The following NXN variants were observed in gnomAD, a reference collection of about 807,000 sequenced individuals.
NXN encodes nucleoredoxin.
Under a neutral mutation model 48.6 loss-of-function variants are expected in NXN, and 16 were observed. The ratio of observed to expected loss-of-function variants is 0.33; its 90% confidence interval spans 0.22 to 0.50. The LOEUF (loss-of-function observed/expected upper bound fraction) is 0.50, where lower values mean the gene tolerates loss of function less well. Ranked by LOEUF, NXN falls within the 20% of genes least tolerant of loss-of-function variation. NXN has a pLI of 0.98. For synonymous variants in NXN, 281 were observed against 269.6 expected, an observed-to-expected ratio of 1.04 and a Z score of -0.41; for missense variants, 492 against 605.5, an observed-to-expected ratio of 0.81 and a Z score of 1.97.
intron 1 of NXN, among the ~76,000 whole-genome samples, chr17:853,723 A>ATATATT (rs1491528474): frequency 1.4e-4 from 15 of 105,970 alleles, no homozygotes; most frequent in African/African-American, 4.3e-4. Flanking sequence ...ATATATATAT[A>ATATATT]TTTTTTTTTT....
chr17:814,602 C>T (rs532471817), intron 5 of NXN, among the ~76,000 whole-genome samples: 40 of 152,230 alleles, frequency 2.6e-4, no homozygotes, highest in Non-Finnish European at 5.4e-4. Flanking sequence ...GACGTCATCA[C>T]ACTCCGCTCC....
At chr17:843,976 C>T (rs146069618) in intron 1 of NXN, among the ~76,000 whole-genome samples, 22 of 152,344 alleles carry the variant, frequency 1.4e-4, no homozygotes, top group Non-Finnish European at 1.3e-4. Context: ...GGAGGGAAAA[C>T]GGTCATTCCC....
intron 1 of NXN, among the ~76,000 whole-genome samples, chr17:967,641 G>C (rs568189675): frequency 4.6e-5 from 7 of 152,202 alleles, no homozygotes; most frequent in Non-Finnish European, 8.8e-5. Flanking sequence ...GAAACTATAG[G>C]TTAAAAGAGG....
At chr17:965,361 G>A (rs2069289600) in intron 1 of NXN, among the ~76,000 whole-genome samples, 1 of 152,186 alleles carries the variant, frequency 6.6e-6, no homozygotes, top group South Asian at 2.1e-4. Flanking sequence ...GCTTACTTTA[G>A]TTATCACACA....
chr17:856,031 A>G lies in NXN; in HGVS notation c.361-29953T>C, dbSNP rs2067982590. Among the ~76,000 whole-genome samples, 3 of 152,118 alleles carry G rather than the reference A, an allele frequency of 2.0e-5. No individual in the cohort carries two copies. In the South Asian group the frequency reaches 6.2e-4, roughly 32 times the overall value. ...AACATGGTGAAACCCTGTCTCTACT[A>G]AAAATATAAAAATTAGCTGGGCGTG... is the stretch of plus-strand genomic sequence containing the variant. On this transcript the variant is annotated intron_variant, in intron 1 of 7. Transcript: ENST00000336868.
chr17:921,446 A>G lies in NXN; in HGVS notation c.360+57873T>C, dbSNP rs1044383472. ...ACTGCTGCTTTCCATCTTTTCCTCG[A>G]AACGCTTCCCGCACCTCTCCTGGCC... On this transcript the variant is annotated intron_variant, in intron 1 of 7. Transcript: ENST00000336868. Among the ~76,000 whole-genome samples, 5 of 152,066 alleles carry G rather than the reference A, an allele frequency of 3.3e-5. No individual in the cohort carries two copies. The Middle Eastern group carries it at 0.01, about 312-fold the overall frequency.
Position 951,349 on chromosome 17 carries a change from C to T in NXN, c.360+27970G>A, listed in dbSNP as rs1299053753. Among the ~76,000 whole-genome samples, 5 of 121,462 alleles carry T rather than the reference C, an allele frequency of 4.1e-5. 1 individual carries two copies. The highest frequency in any genetic ancestry group is 7.6e-5 in the Non-Finnish European group (4 of 52,880). The allele number at this position is 121,462 out of a possible 152,430, so 79.7% of individuals were successfully genotyped here. A position where few individuals can be genotyped will look rare whatever the true frequency, so the allele number is the denominator to read the frequency against. On this transcript the variant is annotated intron_variant, in intron 1 of 7. Transcript: ENST00000336868. ...TGAGTGACAGAGTGAGACTCCATCT[C>T]GAAAAAAAAAAAAAAGACTGAACAG...
At chr17:912,835 T>C (rs963465678) in intron 1 of NXN, among the ~76,000 whole-genome samples, 6 of 151,960 alleles carry the variant, frequency 3.9e-5, no homozygotes, top group Admixed American at 1.3e-4. Flanking sequence ...GTGTCTGTAA[T>C]CCCAGCTACT....
At chr17:975,480 T>C (rs954456405) in intron 1 of NXN, among the ~76,000 whole-genome samples, 3 of 152,138 alleles carry the variant, frequency 2.0e-5, no homozygotes, top group African/African-American at 7.2e-5. Flanking sequence ...GAGTCTGAAC[T>C]GAAAGAACCA....
At chr17:879,277 T>C (rs1437862018) in intron 1 of NXN, among the ~76,000 whole-genome samples, 5 of 18,300 alleles carry the variant, frequency 2.7e-4, no homozygotes, top group African/African-American at 3.8e-4. Flanking sequence ...TGGTTTGGTT[T>C]TTGGTTTTTG....
chr17:911,767 ATTT>A (rs71371591), intron 1 of NXN, among the ~76,000 whole-genome samples: 2 of 142,520 alleles, frequency 1.4e-5, no homozygotes, highest in Non-Finnish European at 1.5e-5. Context: ...GGCCCGGCCA[ATTT>A]TTTTTTTTTT....
At chr17:868,865 T>A (rs2068122296) in intron 1 of NXN, among the ~76,000 whole-genome samples, 1 of 152,154 alleles carries the variant, frequency 6.6e-6, no homozygotes. Flanking sequence ...ATCCCGCCTG[T>A]GTTTGTAGGA....
intron 1 of NXN, among the ~76,000 whole-genome samples, chr17:955,428 C>T (rs571104163): frequency 6.6e-6 from 1 of 151,492 alleles, no homozygotes; most frequent in African/African-American, 2.4e-5. Context: ...CCTCGGCCTC[C>T]CGAAGTGCTG....
At chr17:874,059 G>A (rs1428508267) in intron 1 of NXN, among the ~76,000 whole-genome samples, 1 of 126,218 alleles carries the variant, frequency 7.9e-6, no homozygotes, top group African/African-American at 2.9e-5. Context: ...GGACCTGGTG[G>A]ATGGTCATTG....
At chr17:827,054 C>T (rs886263702) in intron 1 of NXN, among the ~76,000 whole-genome samples, 3 of 152,248 alleles carry the variant, frequency 2.0e-5, no homozygotes, top group Non-Finnish European at 2.9e-5. Context: ...CAAAAAGCCA[C>T]ATAATTAAAT....
chr17:974,856 T>C (rs1181934178), intron 1 of NXN, among the ~76,000 whole-genome samples: 1 of 151,996 alleles, frequency 6.6e-6, no homozygotes, highest in Non-Finnish European at 1.5e-5. Context: ...ATACAGGGTC[T>C]TGCTGTGTTG....
chr17:976,805 T>C (rs1187588878), intron 1 of NXN, among the ~76,000 whole-genome samples: 2 of 152,032 alleles, frequency 1.3e-5, no homozygotes, highest in Non-Finnish European at 2.9e-5. Flanking sequence ...TCGCTCTTGT[T>C]GCCCAGACTG....
intron 1 of NXN, among the ~76,000 whole-genome samples, chr17:944,459 C>T (rs2069020512): frequency 6.6e-6 from 1 of 152,192 alleles, no homozygotes; most frequent in Non-Finnish European, 1.5e-5. Context: ...TCCCAGTCGG[C>T]TGCAAAGGCC....
intron 1 of NXN, among the ~76,000 whole-genome samples, chr17:847,515 C>T (rs879684711): frequency 1.2e-4 from 18 of 152,186 alleles, no homozygotes; most frequent in Admixed American, 1.2e-3. Flanking sequence ...AATGTCACCT[C>T]ACTGGGAATC....
Sources: gnomAD v4.1 joint callset for allele counts (sites outside exome capture counted in the v4.1 genomes callset) on GRCh38, gnomAD v4.1.1 for gene constraint, MANE v1.5 for transcripts, NCBI Gene and HGNC (gene_info 2026-07-23, HGNC 2026-07-21) for gene names.